The following RDH10 variants were observed in gnomAD, a reference collection of about 807,000 sequenced individuals.
RDH10 encodes retinol dehydrogenase 10.
RDH10 carries 12 observed loss-of-function variants against 30.2 expected under a neutral mutation model. The ratio of observed to expected loss-of-function variants is 0.40; its 90% CI spans 0.25 to 0.64. The LOEUF (loss-of-function observed/expected upper bound fraction) is 0.64. Ranked by LOEUF, RDH10 falls within the 30% of genes least tolerant of loss-of-function variation. The pLI, the probability that RDH10 is intolerant of heterozygous loss-of-function variation, is 0.43. For missense variants in RDH10, 268 were observed against 445.2 expected, an observed-to-expected ratio of 0.60 and a Z score of 3.58; for synonymous variants, 189 against 172.2, an observed-to-expected ratio of 1.10 and a Z score of -0.76.
chr8:73,311,636 G>GT (rs1814564862), intron 2 of RDH10: 1 of 152,156 alleles, frequency 6.6e-6, no homozygotes, highest in South Asian at 2.1e-4. Context: ...AATAATACAT[G>GT]TTTTTAAAGG....
Position 73,295,252 on chromosome 8 carries a change from C to G in RDH10, c.-38C>G, listed in dbSNP as rs760789324. On this transcript the variant is annotated 5_prime_UTR_variant, in exon 1 of 6. Transcript: ENST00000240285. ...TTGCCGGGCTCGGGGTGGGCGCGGACGCAGGCACTGGGCTCGTGCGGGGCC... is the reference window on the plus strand; with the variant it reads ...TTGCCGGGCTCGGGGTGGGCGCGGAGGCAGGCACTGGGCTCGTGCGGGGCC... 1 of 1,511,290 alleles carries G rather than the reference C, an allele frequency of 6.6e-7. No individual in the cohort carries two copies. Among genetic ancestry groups the G allele is most frequent in the East Asian group, 2.7e-5 (1 of 37,536 alleles). The allele number at this position is 1,511,290 out of a possible 1,614,324, so 93.6% of individuals were successfully genotyped here.
chr8:73,301,721 A>G (rs1252287130), intron 2 of RDH10, among the ~76,000 whole-genome samples: 1 of 152,170 alleles, frequency 6.6e-6, no homozygotes, highest in Non-Finnish European at 1.5e-5. Context: ...GCGCCACTGC[A>G]CTCCAGCCTG....
intron 2 of RDH10, among the ~76,000 whole-genome samples, chr8:73,299,997 A>G (rs1002004151): frequency 6.6e-6 from 1 of 152,176 alleles, no homozygotes; most frequent in African/African-American, 2.4e-5. Context: ...ACCAGGGAGG[A>G]GCATAGCACC....
In RDH10 at chr8:73,302,055, C is replaced by T. The variant is rs544951386; in HGVS notation, c.525+4626C>T. 2.0e-4 allele frequency among the ~76,000 whole-genome samples: 31 copies of T among 152,272 alleles called. 2 individuals are homozygous for T. In the South Asian group the frequency reaches 6.0e-3, roughly 30 times the overall value. ...GATCAGTCCTCAAAAAGAGGACCCC[C>T]TTGGCAATTCTTTCCTTCCCTCTTA... On this transcript the variant is annotated intron_variant, in intron 2 of 5. Transcript: ENST00000240285.
At chr8:73,320,884 A>T in intron 3 of RDH10, 48 bp from the exon 4 acceptor site, 1 of 1,600,536 alleles carries the variant, frequency 6.2e-7, no homozygotes. Context: ...TTGGTTGGAG[A>T]TAGGGGCATA....
chr8:73,321,081 A>G lies in RDH10; in HGVS notation c.770+4A>G, dbSNP rs1331441497. On this transcript the variant is annotated splice_donor_region_variant and intron_variant, in intron 4 of 5. Coordinates refer to ENST00000240285, the MANE Select transcript of RDH10 (RefSeq NM_172037.5). ...TGTTCAGAGGCTGCCGAATCAGGTC[A>G]GTGAGAACCTATATTATTACTGATA... is the stretch of plus-strand genomic sequence containing the variant. The G allele has an allele frequency of 6.2e-7, 1 of 1,609,876 alleles. No individual in the cohort carries two copies. Among genetic ancestry groups the G allele is most frequent in the African/African-American group, 1.3e-5 (1 of 74,298 alleles).
At chr8:73,320,235 G>C (rs1814741601) in intron 3 of RDH10, among the ~76,000 whole-genome samples, 1 of 152,250 alleles carries the variant, frequency 6.6e-6, no homozygotes, top group East Asian at 1.9e-4. Flanking sequence ...TACTGAACAA[G>C]AGACCATTTG....
chr8:73,321,778 G>A (rs1355297931), intron 4 of RDH10: 1 of 455,964 alleles, frequency 2.2e-6, no homozygotes, highest in South Asian at 1.5e-5. Flanking sequence ...GGCAAAGGAA[G>A]ATAACCAAAC....
At chr8:73,310,366 C>G (rs1048691576) in intron 2 of RDH10, among the ~76,000 whole-genome samples, 1 of 152,114 alleles carries the variant, frequency 6.6e-6, no homozygotes, top group Non-Finnish European at 1.5e-5. Context: ...TTAAAGATTT[C>G]ACAGTAAGCA....
chr8:73,298,907 C>A (rs1438940951), intron 2 of RDH10, among the ~76,000 whole-genome samples: 1 of 152,154 alleles, frequency 6.6e-6, no homozygotes, highest in Non-Finnish European at 1.5e-5. Context: ...CTCCACCTCC[C>A]AGGTTCAAGC....
intron 1 of RDH10, 58 bp from the exon 2 acceptor site, chr8:73,297,136 C>T: frequency 1.0e-6 from 1 of 1,000,622 alleles, no homozygotes. Flanking sequence ...ATGTGACTCA[C>T]TTTCTGCACT....
intron 2 of RDH10, chr8:73,312,061 A>G (rs1210723461): frequency 6.6e-6 from 1 of 152,208 alleles, no homozygotes. Flanking sequence ...TTTGGTCAGT[A>G]TACTTAATAA....
chr8:73,295,629 C>G, intron 1 of RDH10, 51 bp downstream of exon 1: 1 of 1,423,838 alleles, frequency 7.0e-7, no homozygotes, highest in South Asian at 1.5e-5. Flanking sequence ...CTTTCCACCC[C>G]GCGCCCTACC....
intron 2 of RDH10, among the ~76,000 whole-genome samples, chr8:73,314,260 A>T (rs149832039): frequency 2.6e-5 from 4 of 152,352 alleles, no homozygotes; most frequent in African/African-American, 9.6e-5. Flanking sequence ...GCTATCTCAA[A>T]TGTCATCTAC....
intron 2 of RDH10, chr8:73,315,654 A>G (rs975282908): frequency 1.3e-5 from 6 of 451,458 alleles, no homozygotes; most frequent in African/African-American, 1.2e-4. Context: ...ATTACAGCCA[A>G]CCTGCTATGG....
intron 2 of RDH10, among the ~76,000 whole-genome samples, chr8:73,318,753 C>A (rs1814717140): frequency 6.6e-6 from 1 of 152,322 alleles, no homozygotes; most frequent in South Asian, 2.1e-4. Flanking sequence ...CGAGCAGAAA[C>A]AAATACCTGG....
rs1209198388 is a variant in RDH10 at position 73,295,210 on chromosome 8, C to G, written c.-80C>G. 3 of 1,343,576 alleles carry G rather than the reference C, an allele frequency of 2.2e-6. No homozygotes were observed. In the East Asian group the frequency reaches 8.7e-5, roughly 39 times the overall value. The allele number at this position is 1,343,576 out of a possible 1,614,324, so 83.2% of individuals were successfully genotyped here. A position where few individuals can be genotyped will look rare whatever the true frequency, so the allele number is the denominator to read the frequency against. On this transcript the variant is annotated 5_prime_UTR_variant, in exon 1 of 6. Coordinates refer to ENST00000240285, the MANE Select transcript of RDH10 (RefSeq NM_172037.5). ...GTCCCGGCCTCTGTGACAAGCGCCC[C>G]GGAGCCGGGAGCCCGATTGCCGGGC...
rs190965380 is a variant in RDH10 at position 73,320,872 on chromosome 8, G to A, written c.625-60G>A. 18 of 1,562,346 alleles carry A rather than the reference G, an allele frequency of 1.2e-5. No individual in the cohort carries two copies. The African/African-American group carries it at 2.0e-4, about 18-fold the overall frequency. On this transcript the variant is annotated intron_variant, in intron 3 of 5. Coordinates refer to ENST00000240285, the MANE Select transcript of RDH10 (RefSeq NM_172037.5). Reference sequence around the variant, plus strand: ...TGGTAATAGGACCAGGGAAGCTTTAGTTTGGTTGGAGATAGGGGCATATGC... The same window carrying A: ...TGGTAATAGGACCAGGGAAGCTTTAATTTGGTTGGAGATAGGGGCATATGC...
chr8:73,307,478 G>A (rs565842113), intron 2 of RDH10, among the ~76,000 whole-genome samples: 1 of 152,292 alleles, frequency 6.6e-6, no homozygotes, highest in South Asian at 2.1e-4. Context: ...TGAGCCTTGT[G>A]TACTAAATTT....
Sources: gnomAD v4.1 joint callset for allele counts (sites outside exome capture counted in the v4.1 genomes callset) on GRCh38, gnomAD v4.1.1 for gene constraint, MANE v1.5 for transcripts, NCBI Gene and HGNC (gene_info 2026-07-23, HGNC 2026-07-21) for gene names.